Variants in KCNIP4 observed in about 807,000 individuals in gnomAD.
KCNIP4 encodes potassium voltage-gated channel interacting protein 4.
A neutral mutation model predicts 34.0 loss-of-function variants in KCNIP4; 12 were observed. The observed-to-expected ratio is 0.35, with a 90% CI of 0.23 to 0.57. The LOEUF (loss-of-function observed/expected upper bound fraction) is 0.57, where lower values mean the gene tolerates loss of function less well. KCNIP4 is among the 20% of genes least tolerant of loss of function. The pLI is 0.83. For synonymous variants in KCNIP4, 124 were observed against 102.2 expected, an observed-to-expected ratio of 1.21 and a Z score of -1.29; for missense variants, 238 against 311.7, an observed-to-expected ratio of 0.76 and a Z score of 1.78.
At chr4:21,213,110 G>T (rs1279279827) in intron 1 of KCNIP4, among the ~76,000 whole-genome samples, 1 of 152,104 alleles carries the variant, frequency 6.6e-6, no homozygotes, top group Non-Finnish European at 1.5e-5. Flanking sequence ...TCAAGGTCCG[G>T]ACGAGGTGCA....
rs981375083 is a variant in KCNIP4 at position 21,681,197 on chromosome 4, C to T, written c.61+267374G>A. ...TCATGCAACCCTCCCACCTCAGCCT[C>T]CTAAGGAGCTGGGACTACGTACAGT... is the stretch of plus-strand genomic sequence containing the variant. On this transcript the variant is annotated intron_variant, in intron 1 of 8. Coordinates refer to ENST00000382152, the MANE Select transcript of KCNIP4 (RefSeq NM_025221.6). 3.9e-5 allele frequency among the ~76,000 whole-genome samples: 6 copies of T among 152,272 alleles called. No individual in the cohort carries two copies. The South Asian group carries it at 1.2e-3, about 32-fold the overall frequency.
At chr4:21,728,294 C>G (rs1256541546) in intron 1 of KCNIP4, among the ~76,000 whole-genome samples, 1 of 152,090 alleles carries the variant, frequency 6.6e-6, no homozygotes, top group Non-Finnish European at 1.5e-5. Context: ...ATGGCAATAC[C>G]CTTCTCCCAG....
chr4:21,270,843 C>A (rs547750304), intron 1 of KCNIP4, among the ~76,000 whole-genome samples: 1 of 151,864 alleles, frequency 6.6e-6, no homozygotes, highest in Non-Finnish European at 1.5e-5. Flanking sequence ...AAAAATTAGC[C>A]AGGAATGTGG....
intron 1 of KCNIP4, among the ~76,000 whole-genome samples, chr4:20,884,542 C>T (rs1373859525): frequency 6.6e-6 from 1 of 151,954 alleles, no homozygotes; most frequent in African/African-American, 2.4e-5. Context: ...ACTACCCTCT[C>T]CTTTGCAAAC....
At chr4:20,924,392 G>A (rs1390594049) in intron 1 of KCNIP4, among the ~76,000 whole-genome samples, 1 of 152,148 alleles carries the variant, frequency 6.6e-6, no homozygotes, top group Non-Finnish European at 1.5e-5. Context: ...AGATGCTCAT[G>A]ATTTCTTCCA....
intron 1 of KCNIP4, among the ~76,000 whole-genome samples, chr4:21,192,843 C>G (rs115359417): frequency 6.6e-6 from 1 of 151,038 alleles, no homozygotes; most frequent in Admixed American, 6.6e-5. Flanking sequence ...ACTGCTTGAA[C>G]CCAGGGGTTT....
chr4:20,903,924 C>A lies in KCNIP4; in HGVS notation c.62-21215G>T, dbSNP rs114166702. On this transcript the variant is annotated intron_variant, in intron 1 of 8. Coordinates refer to ENST00000382152, the MANE Select transcript of KCNIP4 (RefSeq NM_025221.6). ...TCCTCTGAAGCCCTACTTGCTGCCC[C>A]ACTCTATTAGATTATCAATTTTAGA... Among the ~76,000 whole-genome samples the A allele has an allele frequency of 3.0e-3, 452 of 152,292 alleles. 4 individuals carry two copies. The highest frequency in any genetic ancestry group is 0.011 in the African/African-American group (439 of 41,552).
chr4:20,958,130 G>T (rs74820267), intron 1 of KCNIP4, among the ~76,000 whole-genome samples: 31 of 152,118 alleles, frequency 2.0e-4, no homozygotes, highest in South Asian at 4.1e-4. Flanking sequence ...TCCTCAATAA[G>T]CATTCATAGG....
At chr4:21,857,767 T>C (rs1724846711) in intron 1 of KCNIP4, among the ~76,000 whole-genome samples, 5 of 152,282 alleles carry the variant, frequency 3.3e-5, no homozygotes, top group African/African-American at 1.2e-4. Flanking sequence ...ATGGCAGGGC[T>C]GAAAGAGCTG....
At chr4:20,908,456 A>C (rs1392991597) in intron 1 of KCNIP4, among the ~76,000 whole-genome samples, 1 of 152,208 alleles carries the variant, frequency 6.6e-6, no homozygotes, top group East Asian at 1.9e-4. Flanking sequence ...CACACATCTT[A>C]AACTATTAAC....
intron 1 of KCNIP4, among the ~76,000 whole-genome samples, chr4:21,011,668 G>T (rs978425660): frequency 8.5e-5 from 13 of 152,182 alleles, no homozygotes; most frequent in Admixed American, 8.5e-4. Context: ...GCTTATACTT[G>T]CTTTATCTCC....
chr4:20,781,866 G>A (rs12507581), intron 3 of KCNIP4, among the ~76,000 whole-genome samples: 1,793 of 152,124 alleles, frequency 0.012, 47 homozygotes, highest in Admixed American at 0.065. Flanking sequence ...GAATTAATCC[G>A]AAAGTCCACA....
intron 1 of KCNIP4, among the ~76,000 whole-genome samples, chr4:20,970,748 T>A (rs1437628465): frequency 3.3e-5 from 5 of 152,210 alleles, no homozygotes; most frequent in African/African-American, 1.2e-4. Context: ...AAATTATTAA[T>A]ATATTAATTC....
At chr4:21,526,367 G>A (rs143604735) in intron 1 of KCNIP4, among the ~76,000 whole-genome samples, 273 of 152,144 alleles carry the variant, frequency 1.8e-3, no homozygotes, top group African/African-American at 6.2e-3. Context: ...CTTCTACCAT[G>A]ATTTTGAGGC....
chr4:20,842,642 G>T (rs914232629), intron 3 of KCNIP4, among the ~76,000 whole-genome samples: 2 of 145,816 alleles, frequency 1.4e-5, no homozygotes, highest in African/African-American at 5.1e-5. Flanking sequence ...GGAACTGACT[G>T]GTTTCTATTT....
intron 1 of KCNIP4, among the ~76,000 whole-genome samples, chr4:21,640,892 A>G (rs1746566112): frequency 6.6e-6 from 1 of 152,124 alleles, no homozygotes; most frequent in Non-Finnish European, 1.5e-5. Flanking sequence ...AAAATCTTTG[A>G]CAGGACCATA....
At chr4:21,053,482 T>C (rs528448502) in intron 1 of KCNIP4, among the ~76,000 whole-genome samples, 8 of 152,210 alleles carry the variant, frequency 5.3e-5, no homozygotes, top group Non-Finnish European at 1.0e-4. Context: ...TCTCTCCACT[T>C]CTTTTCAACA....
At chr4:21,657,254 A>G (rs1273340766) in intron 1 of KCNIP4, among the ~76,000 whole-genome samples, 3 of 152,068 alleles carry the variant, frequency 2.0e-5, no homozygotes, top group Non-Finnish European at 4.4e-5. Flanking sequence ...TATTTTATTT[A>G]TTAAAGAAAT....
chr4:21,195,285 G>A (rs1013201458), intron 1 of KCNIP4, among the ~76,000 whole-genome samples: 7 of 152,190 alleles, frequency 4.6e-5, no homozygotes, highest in Non-Finnish European at 1.0e-4. Context: ...TGAAGGAGAT[G>A]ACTGCCAATG....
Sources: allele counts gnomAD v4.1 joint callset (sites outside exome capture counted in the v4.1 genomes callset), GRCh38; gene constraint gnomAD v4.1.1; transcripts MANE v1.5; gene names NCBI Gene and HGNC (gene_info 2026-07-23, HGNC 2026-07-21).